Variants in PDE4D observed in about 807,000 individuals in gnomAD.
PDE4D encodes the protein phosphodiesterase 4D, also known as 3',5'-cyclic-AMP phosphodiesterase 4D.
Under a neutral mutation model 87.4 loss-of-function variants are expected in PDE4D, and 24 were observed. The ratio of observed to expected loss-of-function variants is 0.27; its 90% confidence interval spans 0.20 to 0.39. The LOEUF is 0.39. Among genes scored for constraint, PDE4D ranks in the 10% least tolerant of loss-of-function variants. PDE4D has a pLI of 1.00. For missense variants in PDE4D, 714 were observed against 1,041.0 expected (o/e 0.69, Z 4.32); for synonymous variants, 384 against 383.2 (o/e 1.00, Z -0.02).
intron 4 of PDE4D, 119 bp from the exon 5 acceptor site, chr5:59,180,763 G>A (rs1011221692): frequency 1.7e-5 from 16 of 956,902 alleles, no homozygotes; most frequent in Admixed American, 4.2e-5. Context: ...GTTTGGACAC[G>A]CAAATGATTT....
At chr5:59,042,363 A>T (rs1253402043) in intron 5 of PDE4D, among the ~76,000 whole-genome samples, 1 of 152,210 alleles carries the variant, frequency 6.6e-6, no homozygotes, top group Non-Finnish European at 1.5e-5. Context: ...GTTGCCAACT[A>T]TCCCACAGGA....
chr5:60,375,811 T>C (rs1761384657), intron 1 of PDE4D, among the ~76,000 whole-genome samples: 1 of 152,050 alleles, frequency 6.6e-6, no homozygotes, highest in African/African-American at 2.4e-5. Flanking sequence ...GAGGCTAAGG[T>C]GGGCAGATCA....
chr5:59,413,598 T>C (rs1278353393), intron 1 of PDE4D, among the ~76,000 whole-genome samples: 3 of 152,140 alleles, frequency 2.0e-5, no homozygotes, highest in Non-Finnish European at 1.5e-5. Flanking sequence ...CTGGGTACAA[T>C]TGCATGTAGA....
chr5:60,156,603 A>G (rs1383890621), intron 2 of PDE4D, among the ~76,000 whole-genome samples: 1 of 152,174 alleles, frequency 6.6e-6, no homozygotes, highest in Non-Finnish European at 1.5e-5. Flanking sequence ...AATATTTAAA[A>G]CTTTTTTTCA....
intron 2 of PDE4D, among the ~76,000 whole-genome samples, chr5:60,042,726 T>A (rs1768670774): frequency 6.6e-6 from 1 of 152,042 alleles, no homozygotes; most frequent in Admixed American, 6.5e-5. Flanking sequence ...GAAGGAAAAC[T>A]AACAAACAGA....
chr5:60,271,082 T>G (rs2149723520), intron 1 of PDE4D, among the ~76,000 whole-genome samples: 1 of 152,318 alleles, frequency 6.6e-6, no homozygotes, highest in South Asian at 2.1e-4. Flanking sequence ...CCTGGTATGA[T>G]AAAGCTATTA....
chr5:59,852,881 G>C (rs1017534270), intron 1 of PDE4D, among the ~76,000 whole-genome samples: 2 of 151,864 alleles, frequency 1.3e-5, no homozygotes, highest in African/African-American at 4.8e-5. Context: ...ATAAGCACAG[G>C]CTAAATCTGT....
At chr5:59,929,500 CT>C (rs59271116) in intron 3 of PDE4D, among the ~76,000 whole-genome samples, 3,275 of 146,738 alleles carry the variant, frequency 0.022, 115 homozygotes, top group African/African-American at 0.075. Flanking sequence ...TATCTACAGT[CT>C]TTTTTTTTTT....
chr5:59,409,624 T>C (rs910557506), intron 1 of PDE4D, among the ~76,000 whole-genome samples: 2 of 152,140 alleles, frequency 1.3e-5, no homozygotes, highest in African/African-American at 4.8e-5. Flanking sequence ...TACTCCCCTT[T>C]TGTCTTCTGA....
chr5:59,611,585 C>T (rs1051897403), intron 1 of PDE4D, among the ~76,000 whole-genome samples: 7 of 152,196 alleles, frequency 4.6e-5, no homozygotes, highest in Non-Finnish European at 7.3e-5. Context: ...TTTACATCTG[C>T]TGTGGTCACT....
rs558094832 is a variant in PDE4D, at chr5:59,788,153, T to C, written c.455+105015A>G. Among the ~76,000 whole-genome samples the C allele has an allele frequency of 4.6e-5, 7 of 152,356 alleles. No individual in the cohort carries two copies. The East Asian group carries it at 1.3e-3, about 29-fold the overall frequency. Reference sequence around the variant, plus strand: ...ATAAGATAGACATCATGGAAGACTTTAAAATGATGGCTTTGATGAAGTTTA... The same window carrying C: ...ATAAGATAGACATCATGGAAGACTTCAAAATGATGGCTTTGATGAAGTTTA... On this transcript the variant is annotated intron_variant, in intron 1 of 14. Transcript: ENST00000340635.
intron 1 of PDE4D, among the ~76,000 whole-genome samples, chr5:59,468,280 C>T (rs1011765264): frequency 2.0e-5 from 3 of 152,062 alleles, no homozygotes; most frequent in African/African-American, 7.2e-5. Flanking sequence ...GTTTGAATGC[C>T]ACTTAAAATT....
At chr5:59,580,222 G>C (rs1310860925) in intron 1 of PDE4D, among the ~76,000 whole-genome samples, 1 of 152,162 alleles carries the variant, frequency 6.6e-6, no homozygotes, top group African/African-American at 2.4e-5. Context: ...GAGTGGGTCA[G>C]CTTCCCTAGC....
At chr5:59,001,127 C>G (rs1750451510) in intron 6 of PDE4D, among the ~76,000 whole-genome samples, 1 of 152,144 alleles carries the variant, frequency 6.6e-6, no homozygotes, top group Admixed American at 6.5e-5. Flanking sequence ...TCTAGAAAAA[C>G]AGCATTTTCT....
intron 5 of PDE4D, among the ~76,000 whole-genome samples, chr5:59,170,939 T>C (rs1476492866): frequency 6.6e-6 from 1 of 151,040 alleles, no homozygotes; most frequent in African/African-American, 2.4e-5. Context: ...TAGAGTGCAA[T>C]GGTGCCATCT....
At chr5:60,179,578 A>T (rs1156927032) in intron 2 of PDE4D, among the ~76,000 whole-genome samples, 1 of 152,132 alleles carries the variant, frequency 6.6e-6, no homozygotes, top group Non-Finnish European at 1.5e-5. Context: ...AGCATTTGAT[A>T]ATAAAACTAA....
At chr5:59,985,007 A>G (rs1349805229) in intron 3 of PDE4D, among the ~76,000 whole-genome samples, 1 of 152,024 alleles carries the variant, frequency 6.6e-6, no homozygotes, top group Non-Finnish European at 1.5e-5. Flanking sequence ...TGGGCTGGAG[A>G]CAACTCAGTT....
At chr5:59,813,406 A>T (rs963985340) in intron 1 of PDE4D, among the ~76,000 whole-genome samples, 9 of 150,474 alleles carry the variant, frequency 6.0e-5, no homozygotes, top group Admixed American at 5.3e-4. Context: ...TCTCCACCTA[A>T]TTTCTTTTTG....
At chr5:59,848,360 C>A (rs1744170277) in intron 1 of PDE4D, among the ~76,000 whole-genome samples, 1 of 151,962 alleles carries the variant, frequency 6.6e-6, no homozygotes, top group Admixed American at 6.6e-5. Flanking sequence ...TCATAGCACT[C>A]CTGTTGTTTG....
Sources: gnomAD v4.1 joint callset for allele counts (sites outside exome capture counted in the v4.1 genomes callset) on GRCh38, gnomAD v4.1.1 for gene constraint, MANE v1.5 for transcripts, NCBI Gene and HGNC (gene_info 2026-07-23, HGNC 2026-07-21) for gene names.